Variants in STYXL1 observed in about 807,000 individuals in gnomAD.
STYXL1 encodes serine/threonine/tyrosine interacting like 1.
Under a neutral mutation model 36.4 loss-of-function variants are expected in STYXL1, and 32 were observed. The ratio of observed to expected loss-of-function variants is 0.88; its 90% CI spans 0.66 to 1.18. The LOEUF is 1.18. Ranked by LOEUF, STYXL1 falls within the 50% of genes most tolerant of loss-of-function variation. The probability of loss-of-function intolerance (pLI) is 0.00; values close to 1 mark genes in which losing one functional copy is unlikely to be tolerated. For missense variants in STYXL1, 354 were observed against 394.1 expected (o/e 0.90, Z 0.86); for synonymous variants, 133 against 144.1 (o/e 0.92, Z 0.55).
In STYXL1 at chr7:76,043,086, G is replaced by T. The variant is rs189301665; in HGVS notation, c.-5+4576C>A. Among the ~76,000 whole-genome samples, 689 of 152,274 alleles carry T rather than the reference G, an allele frequency of 4.5e-3. 5 individuals carry two copies. The highest frequency in any genetic ancestry group is 0.015 in the African/African-American group (638 of 41,552). On this transcript the variant is annotated intron_variant, in intron 1 of 8. Transcript: ENST00000359697. ...TAAGTGTTTCCCGTTGATCAGATAT[G>T]GACCAGGCAGGGGAGAAGGCCAACT...
intron 3 of STYXL1, among the ~76,000 whole-genome samples, chr7:76,027,319 G>A (rs1395579620): frequency 6.6e-6 from 1 of 152,008 alleles, no homozygotes; most frequent in Non-Finnish European, 1.5e-5. Flanking sequence ...GACAGGAGGG[G>A]AATGGAAGAG....
At chr7:76,013,408 G>A (rs1265450005) in intron 5 of STYXL1, among the ~76,000 whole-genome samples, 4 of 147,028 alleles carry the variant, frequency 2.7e-5, no homozygotes, top group Non-Finnish European at 4.5e-5. Flanking sequence ...TCCAGATCTA[G>A]TTTTTTTTTT....
At chr7:76,034,654 G>A (rs1378997213) in intron 1 of STYXL1, among the ~76,000 whole-genome samples, 1 of 152,200 alleles carries the variant, frequency 6.6e-6, no homozygotes, top group South Asian at 2.1e-4. Flanking sequence ...CCGGGGCCAG[G>A]TAACTCTATG....
chr7:76,047,867 T>C lies in STYXL1; in HGVS notation c.-210A>G. On this transcript the variant is annotated 5_prime_UTR_variant, in exon 1 of 9. Coordinates refer to ENST00000359697, the MANE Select transcript of STYXL1 (RefSeq NM_001317785.2). The stretch of plus-strand genomic sequence containing the variant: ...AGCCTAAAGCCCGTCCTCTTCCACC[T>C]CTTGGGTGCAGACTGGCCCTCCCAC... 2 of 1,343,532 alleles carry C rather than the reference T, an allele frequency of 1.5e-6. No individual in the cohort carries two copies. Among genetic ancestry groups the C allele is most frequent in the Non-Finnish European group, 1.9e-6 (2 of 1,036,952 alleles). 83.2% of individuals were successfully genotyped at this position (1,343,532 alleles called of 1,614,324 possible).
rs371733433 is a variant in STYXL1, at chr7:76,028,750, G to A, written c.104-47C>T. The stretch of plus-strand genomic sequence containing the variant: ...GAACTGAATTTGCAAAGGAACATAC[G>A]ACCAAACTACTCAGAGGACCTACGT... On this transcript the variant is annotated intron_variant, in intron 2 of 8. Transcript: ENST00000359697. 147 of 1,542,540 alleles carry A rather than the reference G, an allele frequency of 9.5e-5. No homozygotes were observed. In the African/African-American group the frequency reaches 1.4e-3, roughly 15 times the overall value.
intron 4 of STYXL1, 48 bp downstream of exon 4, chr7:76,021,803 T>C: frequency 7.0e-7 from 1 of 1,429,644 alleles, no homozygotes. Flanking sequence ...AACAAATTTG[T>C]TCAATAGCCG....
Position 76,047,878 on chromosome 7 carries a change from G to C in STYXL1, c.-221C>G, listed in dbSNP as rs1356235843. On this transcript the variant is annotated 5_prime_UTR_variant, in exon 1 of 9. Coordinates refer to ENST00000359697, the MANE Select transcript of STYXL1 (RefSeq NM_001317785.2). ...CGTCCTCTTCCACCTCTTGGGTGCA[G>C]ACTGGCCCTCCCACTCCGACCGCAG... 3 of 1,379,020 alleles carry C rather than the reference G, an allele frequency of 2.2e-6. No homozygotes were observed. Among genetic ancestry groups the C allele is most frequent in the Non-Finnish European group, 2.8e-6 (3 of 1,060,972 alleles). 85.4% of individuals were successfully genotyped at this position (1,379,020 alleles called of 1,614,324 possible). A position where few individuals can be genotyped will look rare whatever the true frequency, so the allele number is the denominator to read the frequency against.
chr7:76,030,138 T>G (rs1554578800), intron 2 of STYXL1, among the ~76,000 whole-genome samples: 1 of 152,116 alleles, frequency 6.6e-6, no homozygotes, highest in African/African-American at 2.4e-5. Flanking sequence ...GTAGCTGGGA[T>G]TACAGGCATG....
intron 1 of STYXL1, 147 bp from the exon 2 acceptor site, chr7:76,030,674 C>G (rs1021898228): frequency 1.2e-5 from 7 of 608,690 alleles, no homozygotes; most frequent in Admixed American, 2.6e-5. Context: ...TGCTTCAAAA[C>G]TGTATAGTGA....
At chr7:76,028,931 C>T (rs1369322949) in intron 2 of STYXL1, among the ~76,000 whole-genome samples, 1 of 151,994 alleles carries the variant, frequency 6.6e-6, no homozygotes, top group African/African-American at 2.4e-5. Context: ...CAAGACCAGC[C>T]TGGCCAACAC....
At chr7:76,042,724 A>G (rs976734000) in intron 1 of STYXL1, among the ~76,000 whole-genome samples, 3 of 151,782 alleles carry the variant, frequency 2.0e-5, no homozygotes, top group Non-Finnish European at 4.4e-5. Flanking sequence ...GCTTTTCTCC[A>G]CAGTCCAAGG....
At chr7:76,022,671 A>G (rs1402780302) in intron 3 of STYXL1, among the ~76,000 whole-genome samples, 3 of 152,114 alleles carry the variant, frequency 2.0e-5, no homozygotes, top group African/African-American at 7.2e-5. Context: ...TCCCAAAACA[A>G]CAACAACAAG....
At position 76,003,789 on chromosome 7, in the gene STYXL1, A is replaced by C; in HGVS notation, c.666T>G (p.Leu222=). The C allele has an allele frequency of 6.2e-7, 1 of 1,614,204 alleles. No homozygotes were observed. Among genetic ancestry groups the C allele is most frequent in the East Asian group, 2.2e-5 (1 of 44,884 alleles). ...AGTGACACATGTGGCGTAAGAAGGG[A>C]AGAATCTGGGCTTCCGGGGAATCTT... is the stretch of plus-strand genomic sequence containing the variant. ...RIEDSPEAQI[L]PFLRHMCHFI... is the part of the protein sequence containing the mutation. Residue 222 remains leucine, a synonymous_variant, in exon 7 of 9, where the codon CTT becomes CTG. Transcript: ENST00000359697.
rs1178420387 is a variant in STYXL1 at position 76,037,992 on chromosome 7, A to C, written c.-4-7465T>G. ...CACTGGCAAAGCTATAGGATCATTC[A>C]AGAGCTAAATGATATAAATTGCCTA... On this transcript the variant is annotated intron_variant, in intron 1 of 8. Coordinates refer to ENST00000359697, the MANE Select transcript of STYXL1 (RefSeq NM_001317785.2). Among the ~76,000 whole-genome samples the C allele has an allele frequency of 6.0e-5, 9 of 150,322 alleles. 1 individual carries two copies. The highest frequency in any genetic ancestry group is 3.3e-4 in the Admixed American group (5 of 15,084).
intron 1 of STYXL1, among the ~76,000 whole-genome samples, chr7:76,046,401 C>T (rs13240404): frequency 0.54 from 77,214 of 142,030 alleles, 24,232 homozygotes; most frequent in Non-Finnish European, 0.7. Context: ...GGATGGAGTA[C>T]AATGGCACAA....
chr7:76,015,922 T>C (rs1171331783), intron 4 of STYXL1, among the ~76,000 whole-genome samples: 1 of 152,152 alleles, frequency 6.6e-6, no homozygotes, highest in Non-Finnish European at 1.5e-5. Context: ...AGCCTACATC[T>C]TTCTCCCTTG....
At chr7:76,029,986 G>A (rs1418994272) in intron 2 of STYXL1, among the ~76,000 whole-genome samples, 4 of 151,732 alleles carry the variant, frequency 2.6e-5, no homozygotes, top group African/African-American at 9.7e-5. Context: ...TGGGGGTTGC[G>A]GACTTCTTTT....
intron 1 of STYXL1, among the ~76,000 whole-genome samples, chr7:76,034,428 G>T (rs936085377): frequency 1.3e-5 from 2 of 152,150 alleles, no homozygotes; most frequent in Non-Finnish European, 2.9e-5. Flanking sequence ...AAACGCCTCA[G>T]CCTCTTAGGA....
At chr7:76,043,047 G>C (rs1420913897) in intron 1 of STYXL1, among the ~76,000 whole-genome samples, 1 of 152,188 alleles carries the variant, frequency 6.6e-6, no homozygotes, top group Non-Finnish European at 1.5e-5. Flanking sequence ...GAATTTGTTG[G>C]GGCAAAGGAT....
Sources: allele counts gnomAD v4.1 joint callset (sites outside exome capture counted in the v4.1 genomes callset), GRCh38; gene constraint gnomAD v4.1.1; transcripts MANE v1.5; gene names NCBI Gene and HGNC (gene_info 2026-07-23, HGNC 2026-07-21).